BACE2: variants seen among roughly 807,000 people sequenced by gnomAD.
BACE2 encodes the protein beta-secretase 2, also known as 56 kDa aspartic-like protease.
BACE2 carries 17 observed loss-of-function variants against 46.2 expected under a neutral mutation model. The observed-to-expected ratio is 0.37, with a 90% CI of 0.25 to 0.55. The LOEUF is 0.55. BACE2 is among the 20% of genes least tolerant of loss of function. The pLI, the probability that BACE2 is intolerant of heterozygous loss-of-function variation, is 0.82. For missense variants in BACE2, 595 were observed against 698.1 expected, an observed-to-expected ratio of 0.85 and a Z score of 1.66; for synonymous variants, 277 against 295.9, an observed-to-expected ratio of 0.94 and a Z score of 0.66.
intron 7 of BACE2, among the ~76,000 whole-genome samples, chr21:41,255,691 A>G (rs972067622): frequency 1.1e-4 from 16 of 152,148 alleles, no homozygotes; most frequent in Non-Finnish European, 2.1e-4. Context: ...CTCAGCAGAT[A>G]ACTGCTGGGC....
chr21:41,197,498 G>A (rs1281050557), intron 1 of BACE2, among the ~76,000 whole-genome samples: 1 of 152,048 alleles, frequency 6.6e-6, no homozygotes, highest in African/African-American at 2.4e-5. Context: ...CTGTGGAGAG[G>A]TCTTCTGAGG....
Position 41,277,311 on chromosome 21 carries a change from C to T in BACE2, c.*1687C>T, listed in dbSNP as rs1382355416. The T allele has an allele frequency of 2.6e-5, 4 of 152,234 alleles. No individual in the cohort carries two copies. The East Asian group carries it at 7.7e-4, about 29-fold the overall frequency. 9.4% of individuals were successfully genotyped at this position (152,234 alleles called of 1,614,324 possible). On this transcript the variant is annotated 3_prime_UTR_variant, in exon 9 of 9. Coordinates refer to ENST00000330333, the MANE Select transcript of BACE2 (RefSeq NM_012105.5). ...GGTGTCCTGGAAGACTCTCCAGCAG[C>T]CAGAAGAACCTTCTGTGCTGTTTTC...
At chr21:41,169,305 G>A (rs922561247) in intron 1 of BACE2, among the ~76,000 whole-genome samples, 7 of 152,022 alleles carry the variant, frequency 4.6e-5, no homozygotes, top group Non-Finnish European at 1.0e-4. Context: ...AAAAACAGGG[G>A]CTGAGTGAGG....
At position 41,278,441 on chromosome 21, in the gene BACE2, G is replaced by A. The variant is rs1394431150; in HGVS notation, c.*2817G>A. The stretch of plus-strand genomic sequence containing the variant: ...TGTATTTCTCCTGAACCAAAACCAA[G>A]TACTTAGCACTCAAGAAACAGATGC... On this transcript the variant is annotated 3_prime_UTR_variant, in exon 9 of 9. Transcript: ENST00000330333. 1 of 152,206 alleles carries A rather than the reference G, an allele frequency of 6.6e-6. No individual in the cohort carries two copies. Among genetic ancestry groups the A allele is most frequent in the Non-Finnish European group, 1.5e-5 (1 of 68,056 alleles). The allele number at this position is 152,206 out of a possible 1,614,324, so 9.4% of individuals were successfully genotyped here.
chr21:41,233,523 A>G lies in BACE2; in HGVS notation c.402-3990A>G, dbSNP rs183815400. On this transcript the variant is annotated intron_variant, in intron 2 of 8. Coordinates refer to ENST00000330333, the MANE Select transcript of BACE2 (RefSeq NM_012105.5). Reference sequence around the variant, plus strand: ...CAGCAACCTGAGCAGGAAACTAGAGAAGACATGCTAAATAGATATGCAGGC... The same window carrying G: ...CAGCAACCTGAGCAGGAAACTAGAGGAGACATGCTAAATAGATATGCAGGC... Among the ~76,000 whole-genome samples the G allele has an allele frequency of 2.1e-3, 314 of 152,346 alleles. 3 individuals carry two copies. The highest frequency in any genetic ancestry group is 6.6e-3 in the African/African-American group (273 of 41,582).
At chr21:41,239,108 T>A in intron 3 of BACE2, among the ~76,000 whole-genome samples, 1 of 151,394 alleles carries the variant, frequency 6.6e-6, no homozygotes, top group Admixed American at 6.6e-5. Flanking sequence ...GCTGGAGCAA[T>A]AGGCCCCCAC....
intron 1 of BACE2, chr21:41,180,151 C>G: frequency 5.4e-6 from 1 of 184,012 alleles, no homozygotes; most frequent in Non-Finnish European, 1.3e-5. Flanking sequence ...TTTATGCAGA[C>G]ATTTCCAGGG....
At chr21:41,179,678 T>C (rs891791255) in intron 1 of BACE2, 1 of 1,327,914 alleles carries the variant, frequency 7.5e-7, no homozygotes, top group Admixed American at 2.1e-5. Flanking sequence ...ACAAAGGCCT[T>C]ACAAAGAATG....
chr21:41,255,159 G>T (rs186607239), intron 7 of BACE2, among the ~76,000 whole-genome samples: 3 of 152,226 alleles, frequency 2.0e-5, no homozygotes, highest in South Asian at 4.1e-4. Context: ...GGTCTGATTT[G>T]GGGGGAACAG....
chr21:41,222,451 C>A (rs545636212), intron 1 of BACE2, among the ~76,000 whole-genome samples: 7 of 152,286 alleles, frequency 4.6e-5, no homozygotes, highest in African/African-American at 1.7e-4. Flanking sequence ...TGGGGAAGAG[C>A]CCCCACCCCA....
chr21:41,275,422 A>T lies in BACE2; in HGVS notation c.1355A>T (p.Asp452Val). 1 of 1,614,142 alleles carries T rather than the reference A, an allele frequency of 6.2e-7. No homozygotes were observed. Among genetic ancestry groups the T allele is most frequent in the Non-Finnish European group, 8.5e-7 (1 of 1,180,020 alleles). ...SEISGPFSTEDVASNCVPAQS... is the reference protein window; with the variant it reads ...SEISGPFSTEVVASNCVPAQS... Reference sequence around the variant, plus strand: ...ATTTCCGGGCCTTTCTCAACAGAGGATGTAGCCAGCAACTGTGTCCCCGCT... The same window carrying T: ...ATTTCCGGGCCTTTCTCAACAGAGGTTGTAGCCAGCAACTGTGTCCCCGCT... Residue 452 changes from aspartate (D) to valine (V), a missense_variant, in exon 9 of 9, where the codon GAT becomes GTT. This residue lies in a region of BACE2 where 343 missense variants were observed against 419.4 expected (regional missense o/e 0.82). Coordinates refer to ENST00000330333, the MANE Select transcript of BACE2 (RefSeq NM_012105.5).
In BACE2 at chr21:41,250,735, G is replaced by C. The variant is rs762981746; in HGVS notation, c.985-17G>C. Reference sequence around the variant, plus strand: ...CCAGACTAGTCATGGTTTCTGATGTGATCTTGTTTTGTCTAGATTCCAGAA... The same window carrying C: ...CCAGACTAGTCATGGTTTCTGATGTCATCTTGTTTTGTCTAGATTCCAGAA... On this transcript the variant is annotated splice_polypyrimidine_tract_variant and intron_variant, in intron 6 of 8. Transcript: ENST00000330333. 62 of 1,613,602 alleles carry C rather than the reference G, an allele frequency of 3.8e-5. No individual in the cohort carries two copies. Among genetic ancestry groups the C allele is most frequent in the Non-Finnish European group, 4.8e-5 (57 of 1,179,806 alleles).
At position 41,279,172 on chromosome 21, in the gene BACE2, T is replaced by G. The variant is rs1487914752; in HGVS notation, c.*3548T>G. 6.6e-6 allele frequency: 1 copy of G among 152,178 alleles called. No individual in the cohort carries two copies. Among genetic ancestry groups the G allele is most frequent in the Non-Finnish European group, 1.5e-5 (1 of 68,036 alleles). The allele number at this position is 152,178 out of a possible 1,614,324, so 9.4% of individuals were successfully genotyped here. A position where few individuals can be genotyped will look rare whatever the true frequency, so the allele number is the denominator to read the frequency against. ...ATGTCTCTAGGGAGCTTTAAGAATT[T>G]CACGTTTGAACTTTACAGCTGTTTA... On this transcript the variant is annotated 3_prime_UTR_variant, in exon 9 of 9. Coordinates refer to ENST00000330333, the MANE Select transcript of BACE2 (RefSeq NM_012105.5).
intron 3 of BACE2, 141 bp from the exon 4 acceptor site, chr21:41,241,678 C>T (rs1987292219): frequency 4.3e-6 from 4 of 933,076 alleles, no homozygotes; most frequent in Non-Finnish European, 6.4e-6. Context: ...TAGACCCAAT[C>T]ACAAGCTGGT....
intron 1 of BACE2, among the ~76,000 whole-genome samples, chr21:41,194,618 T>G (rs1568863134): frequency 6.6e-6 from 1 of 152,238 alleles, no homozygotes; most frequent in Non-Finnish European, 1.5e-5. Flanking sequence ...AGCTGACTTC[T>G]GACTTTGGGA....
At chr21:41,253,651 A>G (rs1987702062) in intron 7 of BACE2, among the ~76,000 whole-genome samples, 2 of 152,122 alleles carry the variant, frequency 1.3e-5, no homozygotes, top group South Asian at 4.2e-4. Flanking sequence ...ACCTCAGTCC[A>G]GGTGGGTCAC....
intron 1 of BACE2, among the ~76,000 whole-genome samples, chr21:41,221,970 G>C (rs574479305): frequency 6.6e-6 from 1 of 152,364 alleles, no homozygotes; most frequent in East Asian, 1.9e-4. Context: ...GGCAGCAGGA[G>C]CTGTCGGGAC....
chr21:41,199,192 T>C (rs1414011600), intron 1 of BACE2, among the ~76,000 whole-genome samples: 2 of 151,886 alleles, frequency 1.3e-5, no homozygotes, highest in East Asian at 1.9e-4. Flanking sequence ...ACAGGAACCC[T>C]CTCAGAGGTC....
chr21:41,251,921 T>C (rs965471721), intron 7 of BACE2, among the ~76,000 whole-genome samples: 2 of 152,186 alleles, frequency 1.3e-5, no homozygotes, highest in Non-Finnish European at 2.9e-5. Context: ...CTCTTTATCC[T>C]ACACGTCTAA....
Sources: gnomAD v4.1 joint callset for allele counts (sites outside exome capture counted in the v4.1 genomes callset) on GRCh38, gnomAD v4.1.1 for gene constraint, gnomAD v4.1.1 regional missense constraint, MANE v1.5 for transcripts, NCBI Gene and HGNC (gene_info 2026-07-23, HGNC 2026-07-21) for gene names.